Variants in LRP1B observed in about 807,000 individuals in gnomAD.
The protein encoded by LRP1B is low-density lipoprotein receptor-related protein 1B.
LRP1B carries 217 observed loss-of-function variants against 556.6 expected under a neutral mutation model. That is an observed-to-expected ratio of 0.39 (90% confidence interval 0.35 to 0.44). LRP1B has a LOEUF of 0.44. Among genes scored for constraint, LRP1B ranks in the 20% least tolerant of loss-of-function variants. The probability of loss-of-function intolerance (pLI) is 1.00; values close to 1 mark genes in which losing one functional copy is unlikely to be tolerated. For missense variants in LRP1B, 5,053 were observed against 5,620.8 expected (o/e 0.90, Z 3.23); for synonymous variants, 2,047 against 1,865.8 (o/e 1.10, Z -2.50).
At chr2:140,961,516 A>G (rs909274605) in intron 18 of LRP1B, among the ~76,000 whole-genome samples, 1 of 152,226 alleles carries the variant, frequency 6.6e-6, no homozygotes, top group East Asian at 1.9e-4. Context: ...TTTAAAAAGA[A>G]AGAGTTACTA....
intron 2 of LRP1B, among the ~76,000 whole-genome samples, chr2:141,590,885 T>A (rs1205167849): frequency 6.6e-6 from 1 of 152,180 alleles, no homozygotes; most frequent in Non-Finnish European, 1.5e-5. Flanking sequence ...AGAAGTCCTT[T>A]CCGTTGTTCC....
At chr2:140,376,640 A>G (rs1558839396) in intron 68 of LRP1B, among the ~76,000 whole-genome samples, 1 of 152,104 alleles carries the variant, frequency 6.6e-6, no homozygotes, top group Non-Finnish European at 1.5e-5. Context: ...TGTATTTTTC[A>G]ACTTTTTCTC....
At chr2:141,212,077 T>G (rs1285969193) in intron 6 of LRP1B, among the ~76,000 whole-genome samples, 1 of 151,982 alleles carries the variant, frequency 6.6e-6, no homozygotes, top group Non-Finnish European at 1.5e-5. Context: ...AAATTGCAAT[T>G]AATTAAAAAA....
intron 2 of LRP1B, among the ~76,000 whole-genome samples, chr2:141,608,374 G>A (rs1687991231): frequency 6.6e-6 from 1 of 152,182 alleles, no homozygotes; most frequent in African/African-American, 2.4e-5. Context: ...TGGTGGTAAT[G>A]GGAGCAACAG....
intron 43 of LRP1B, among the ~76,000 whole-genome samples, chr2:140,578,834 C>T (rs1681641918): frequency 6.6e-6 from 1 of 151,716 alleles, no homozygotes; most frequent in Admixed American, 6.6e-5. Context: ...CATTTATTTA[C>T]TTAATTAATC....
intron 66 of LRP1B, among the ~76,000 whole-genome samples, chr2:140,421,706 T>C (rs576645732): frequency 1.8e-3 from 273 of 152,302 alleles, no homozygotes; most frequent in Non-Finnish European, 2.0e-3. Context: ...TACACATATA[T>C]CTTTACTTCT....
At chr2:141,113,568 AT>A (rs529042415) in intron 7 of LRP1B, among the ~76,000 whole-genome samples, 15 of 151,452 alleles carry the variant, frequency 9.9e-5, no homozygotes, top group South Asian at 6.3e-4. Context: ...TTTGCAATTC[AT>A]TTTTTTTTAA....
chr2:141,174,402 C>A (rs1680644977), intron 7 of LRP1B, among the ~76,000 whole-genome samples: 1 of 152,174 alleles, frequency 6.6e-6, no homozygotes, highest in East Asian at 1.9e-4. Context: ...GCAATCCCTA[C>A]ATGTCAGGGG....
At chr2:140,604,228 GA>G (rs67568538) in intron 41 of LRP1B, among the ~76,000 whole-genome samples, 76,498 of 136,644 alleles carry the variant, frequency 0.56, 20,083 homozygotes, top group African/African-American at 0.62. Context: ...CACTTGCCAA[GA>G]AAAAAAAAAA....
intron 41 of LRP1B, among the ~76,000 whole-genome samples, chr2:140,684,094 A>G (rs1685962194): frequency 6.6e-6 from 1 of 152,238 alleles, no homozygotes; most frequent in Admixed American, 6.5e-5. Flanking sequence ...GATAAATCAG[A>G]GAGTGAGAAA....
intron 3 of LRP1B, among the ~76,000 whole-genome samples, chr2:141,341,200 T>C (rs920424757): frequency 1.3e-5 from 2 of 152,232 alleles, no homozygotes; most frequent in Non-Finnish European, 2.9e-5. Flanking sequence ...GTGTTTAGCA[T>C]GTACCTGGAT....
intron 41 of LRP1B, among the ~76,000 whole-genome samples, chr2:140,639,664 C>T (rs542684010): frequency 2.0e-5 from 3 of 152,256 alleles, no homozygotes; most frequent in African/African-American, 7.2e-5. Flanking sequence ...TCTTTTTCTC[C>T]ATGCAAGAAG....
chr2:141,446,211 T>C lies in LRP1B; in HGVS notation c.343+34185A>G, dbSNP rs557387780. Among the ~76,000 whole-genome samples, 63 of 152,358 alleles carry C rather than the reference T, an allele frequency of 4.1e-4. 1 individual carries two copies. The highest frequency in any genetic ancestry group is 1.4e-3 in the African/African-American group (60 of 41,596). On this transcript the variant is annotated intron_variant, in intron 3 of 90. Transcript: ENST00000389484. ...CTTTGTTGGTTTAAAGTCTGTTTTA[T>C]CAGAGACTAGGATTGCAACCCCTGC...
chr2:140,540,825 C>T (rs1325531214), intron 45 of LRP1B, 148 bp downstream of exon 45: 5 of 864,288 alleles, frequency 5.8e-6, no homozygotes, highest in South Asian at 5.7e-5. Context: ...ACAGTGAACT[C>T]GGTTTTCTTT....
intron 23 of LRP1B, among the ~76,000 whole-genome samples, chr2:140,900,519 G>C (rs1694074298): frequency 6.6e-6 from 1 of 152,034 alleles, no homozygotes; most frequent in Admixed American, 6.6e-5. Context: ...AATTTTAATG[G>C]TCAGAAGAAA....
At chr2:141,494,645 C>T (rs1162947481) in intron 2 of LRP1B, among the ~76,000 whole-genome samples, 1 of 151,364 alleles carries the variant, frequency 6.6e-6, no homozygotes, top group Non-Finnish European at 1.5e-5. Flanking sequence ...CTGCTAAATA[C>T]ACAGTATTTG....
intron 84 of LRP1B, among the ~76,000 whole-genome samples, chr2:140,291,320 T>TATATATATATATATATATATATATA (rs745524571): frequency 0.027 from 1,339 of 50,518 alleles, 240 homozygotes; most frequent in Non-Finnish European, 0.04. Flanking sequence ...ATATATATAT[T>TATATATATATATATATATATATATA]TTTATTATAC....
intron 89 of LRP1B, among the ~76,000 whole-genome samples, chr2:140,237,125 A>C (rs1245495453): frequency 1.3e-5 from 2 of 150,932 alleles, no homozygotes; most frequent in Non-Finnish European, 3.0e-5. Context: ...CATTCCTCTT[A>C]TCTGACTGTG....
At chr2:141,868,331 T>G (rs1167349675) in intron 1 of LRP1B, among the ~76,000 whole-genome samples, 1 of 152,094 alleles carries the variant, frequency 6.6e-6, no homozygotes, top group African/African-American at 2.4e-5. Flanking sequence ...TCTGTACTTG[T>G]GACTTTTGAT....
Sources: gnomAD v4.1 joint callset for allele counts (sites outside exome capture counted in the v4.1 genomes callset) on GRCh38, gnomAD v4.1.1 for gene constraint, MANE v1.5 for transcripts, NCBI Gene and HGNC (gene_info 2026-07-23, HGNC 2026-07-21) for gene names.